Variants in PHF12 observed in about 807,000 individuals in gnomAD.
PHF12 encodes PHD factor 1.
Under a neutral mutation model 99.8 loss-of-function variants are expected in PHF12, and 6 were observed. That is an observed-to-expected ratio of 0.06 (90% CI 0.03 to 0.12). PHF12 has a LOEUF of 0.12. PHF12 is among the 10% of genes least tolerant of loss of function. The pLI is 1.00. For missense variants in PHF12, 954 were observed against 1,300.1 expected, an observed-to-expected ratio of 0.73 and a Z score of 4.09; for synonymous variants, 480 against 514.9, an observed-to-expected ratio of 0.93 and a Z score of 0.92.
At chr17:28,927,473 A>T (rs2040302759) in intron 2 of PHF12, among the ~76,000 whole-genome samples, 1 of 152,074 alleles carries the variant, frequency 6.6e-6, no homozygotes, top group Non-Finnish European at 1.5e-5. Flanking sequence ...AAGACTTCCT[A>T]TTTCTTCCTC....
In PHF12 at chr17:28,906,779, C is replaced by A. The variant is rs2039878737; in HGVS notation, c.2680+77G>T. 6.6e-7 allele frequency: 1 copy of A among 1,516,054 alleles called. No homozygotes were observed. The highest frequency in any genetic ancestry group is 1.3e-5 in the South Asian group (1 of 78,662). The allele number at this position is 1,516,054 out of a possible 1,614,324, so 93.9% of individuals were successfully genotyped here. A position where few individuals can be genotyped will look rare whatever the true frequency, so the allele number is the denominator to read the frequency against. On this transcript the variant is annotated intron_variant, in intron 14 of 14. Coordinates refer to ENST00000332830, the MANE Select transcript of PHF12 (RefSeq NM_001033561.2). This position sits in a 1 kb window ranked among gnomAD's most constrained non-coding sequence, Gnocchi z 4.2. ...CCAATAGGACTGGGAAGGCAAGAGA[C>A]AGACCATGGGCAGCAAGTCAGAACC...
rs1335928350 is a variant in PHF12 at position 28,949,097 on chromosome 17, A to G, written c.248+968T>C. On this transcript the variant is annotated intron_variant, in intron 2 of 14. Coordinates refer to ENST00000332830, the MANE Select transcript of PHF12 (RefSeq NM_001033561.2). The surrounding 1 kb of genome is among the most constrained non-coding windows in gnomAD (Gnocchi z 4.6). ...CGGTCTCTCCCCTCCTCTCATGTCC[A>G]GTAAGGGGGAAAAAGCGTACGGCTT... is the stretch of plus-strand genomic sequence containing the variant. Among the ~76,000 whole-genome samples the G allele has an allele frequency of 6.6e-6, 1 of 152,066 alleles. No individual in the cohort carries two copies. The highest frequency in any genetic ancestry group is 1.5e-5 in the Non-Finnish European group (1 of 68,000).
chr17:28,911,253 G>C lies in PHF12; in HGVS notation c.2090-16C>G, dbSNP rs750385452. On this transcript the variant is annotated splice_polypyrimidine_tract_variant and intron_variant, in intron 9 of 14. Transcript: ENST00000332830. ...ACCTTGCCATCTGGGGACGGAGCAG[G>C]AAGACTGTTACTTACGTCGCCTGAG... 1 of 1,613,878 alleles carries C rather than the reference G, an allele frequency of 6.2e-7. No homozygotes were observed. The highest frequency in any genetic ancestry group is 1.1e-5 in the South Asian group (1 of 91,072).
Position 28,906,447 on chromosome 17 carries a change from C to T in PHF12, c.2751G>A (p.Gln917=). 2 of 1,614,028 alleles carry T rather than the reference C, an allele frequency of 1.2e-6. No individual in the cohort carries two copies. The highest frequency in any genetic ancestry group is 3.3e-5 in the Admixed American group (2 of 60,030). ...EEAAMMSSQA[Q]GPQRRPCNCK... is the part of the protein sequence containing the mutation. Reference sequence around the variant, plus strand: ...AATTGCAGGGTCTCCGCTGCGGCCCCTGGGCCTGGGAACTCATCATGGCTG... The same window carrying T: ...AATTGCAGGGTCTCCGCTGCGGCCCTTGGGCCTGGGAACTCATCATGGCTG... The change falls in exon 15 of 15, where the codon CAG becomes CAA. Residue 917 remains glutamine, a synonymous_variant. Coordinates refer to ENST00000332830, the MANE Select transcript of PHF12 (RefSeq NM_001033561.2). The surrounding 1 kb of genome is among the most constrained non-coding windows in gnomAD (Gnocchi z 4.2).
chr17:28,941,761 C>T, intron 2 of PHF12, among the ~76,000 whole-genome samples: 1 of 152,062 alleles, frequency 6.6e-6, no homozygotes, highest in East Asian at 1.9e-4. Context: ...GCGTGCATCA[C>T]CACGCCCAGC....
chr17:28,925,615 C>T (rs1292969925), intron 3 of PHF12: 1 of 152,210 alleles, frequency 6.6e-6, no homozygotes, highest in Non-Finnish European at 1.5e-5. Context: ...AGCTCTCCTT[C>T]TAGAAAACTG....
In PHF12 at chr17:28,923,651, C is replaced by CAAAAAAAAAAAAAA. The variant is rs1491183033; in HGVS notation, c.715+257_715+258insTTTTTTTTTTTTTT. Among the ~76,000 whole-genome samples the CAAAAAAAAAAAAAA allele has an allele frequency of 4.1e-3, 91 of 21,962 alleles. 2 individuals are homozygous for CAAAAAAAAAAAAAA. The highest frequency in any genetic ancestry group is 0.013 in the African/African-American group (55 of 4,342). 14.4% of individuals were successfully genotyped at this position (21,962 alleles called of 152,430 possible). On this transcript the variant is annotated intron_variant, in intron 4 of 14. Coordinates refer to ENST00000332830, the MANE Select transcript of PHF12 (RefSeq NM_001033561.2). ...CTAGCCTGAGTGACAAAGTGAGACT[C>CAAAAAAAAAAAAAA]ACAAAAAAAAAAAAAAAAAAAAAAG...
chr17:28,922,368 A>G (rs1013222287), intron 4 of PHF12, among the ~76,000 whole-genome samples: 1 of 152,170 alleles, frequency 6.6e-6, no homozygotes, highest in Non-Finnish European at 1.5e-5. Context: ...TACTAGGATT[A>G]CAGGTGTGAG....
In PHF12 at chr17:28,919,156, A is replaced by C; in HGVS notation, c.956T>G (p.Ile319Ser). The C allele has an allele frequency of 1.2e-6, 2 of 1,614,018 alleles. No homozygotes were observed. The highest frequency in any genetic ancestry group is 1.7e-6 in the Non-Finnish European group (2 of 1,179,938). ...PLGRWMCPNH[I>S]EHVVLNQKNM... ...TGCTGTGCTTACCACCACATGTTCGATGTGATTCGGACACATCCATCTGCC... is the reference window on the plus strand; with the variant it reads ...TGCTGTGCTTACCACCACATGTTCGCTGTGATTCGGACACATCCATCTGCC... The change falls in exon 6 of 15, where the codon ATC becomes AGC. Residue 319 changes from isoleucine (I) to serine (S), a missense_variant. Ile to Ser is a moderately radical substitution (Grantham distance 142, BLOSUM62 -2). This residue lies in a region of PHF12 where 85 missense variants were observed against 196.6 expected (regional missense o/e 0.43). Coordinates refer to ENST00000332830, the MANE Select transcript of PHF12 (RefSeq NM_001033561.2).
At chr17:28,914,649 G>T (rs1391804402) in intron 7 of PHF12, among the ~76,000 whole-genome samples, 1 of 122,916 alleles carries the variant, frequency 8.1e-6, no homozygotes, top group African/African-American at 3.2e-5. Flanking sequence ...TCCGGCCTGG[G>T]TGAAAGAGCG....
At chr17:28,944,616 T>G in intron 2 of PHF12, 4 of 616,016 alleles carry the variant, frequency 6.5e-6, no homozygotes, top group African/African-American at 2.0e-5. Flanking sequence ...CAATGCACTC[T>G]AGCCTGGGCA....
intron 2 of PHF12, chr17:28,945,531 T>C (rs2040705895): frequency 6.6e-6 from 1 of 152,168 alleles, no homozygotes; most frequent in Admixed American, 6.5e-5. Context: ...TCTGCCGAGG[T>C]AGATGCACTT....
At position 28,907,943 on chromosome 17, in the gene PHF12, A is replaced by G. The variant is rs775222345; in HGVS notation, c.2459-271T>C. The G allele has an allele frequency of 9.4e-5, 31 of 328,282 alleles. No homozygotes were observed. The Admixed American group carries it at 1.1e-3, about 11-fold the overall frequency. 20.3% of individuals were successfully genotyped at this position (328,282 alleles called of 1,614,324 possible). A position where few individuals can be genotyped will look rare whatever the true frequency, so the allele number is the denominator to read the frequency against. The stretch of plus-strand genomic sequence containing the variant: ...AGGGAAGAGTGAGCTACTGAAGAGG[A>G]TGGGATATTTCTATGAAAATACAAC... On this transcript the variant is annotated intron_variant, in intron 12 of 14. Transcript: ENST00000332830.
Position 28,950,296 on chromosome 17 carries a change from G to A in PHF12, c.67-50C>T. The A allele has an allele frequency of 6.5e-7, 1 of 1,537,730 alleles. No individual in the cohort carries two copies. The highest frequency in any genetic ancestry group is 1.2e-5 in the South Asian group (1 of 86,514). On this transcript the variant is annotated intron_variant, in intron 1 of 14. Coordinates refer to ENST00000332830, the MANE Select transcript of PHF12 (RefSeq NM_001033561.2). The surrounding 1 kb of genome is among the most constrained non-coding windows in gnomAD (Gnocchi z 5.7). Reference sequence around the variant, plus strand: ...TGTGCACACTCGGAGCTCCCGGGCGGTCCGTCGCCCCCCCGGCGCGGTTTC... The same window carrying A: ...TGTGCACACTCGGAGCTCCCGGGCGATCCGTCGCCCCCCCGGCGCGGTTTC...
At chr17:28,937,700 T>C (rs1686918297) in intron 2 of PHF12, among the ~76,000 whole-genome samples, 1 of 151,966 alleles carries the variant, frequency 6.6e-6, no homozygotes, top group Admixed American at 6.6e-5. Context: ...GCAGGGAGGG[T>C]AGAGCACTGA....
chr17:28,931,157 G>A (rs1013992602), intron 2 of PHF12, among the ~76,000 whole-genome samples: 1 of 152,056 alleles, frequency 6.6e-6, no homozygotes, highest in African/African-American at 2.4e-5. Flanking sequence ...CTGCCCTAAA[G>A]TATGGATAGG....
At chr17:28,913,315 G>C (rs755048062) in intron 8 of PHF12, 38 bp from the exon 9 acceptor site, 2 of 1,565,194 alleles carry the variant, frequency 1.3e-6, no homozygotes, top group African/African-American at 1.3e-5. Flanking sequence ...TGAGAAGCCT[G>C]AGAGGCGCCG....
Position 28,951,468 on chromosome 17 carries a change from G to C in PHF12, c.-508C>G, listed in dbSNP as rs1291877764. On this transcript the variant is annotated 5_prime_UTR_variant, in exon 1 of 15. Coordinates refer to ENST00000332830, the MANE Select transcript of PHF12 (RefSeq NM_001033561.2). Reference sequence around the variant, plus strand: ...GCCGCGCACTTGGCGCAAACTTACCGCGAGCGCCCGCAAAGCCACCCGCGC... The same window carrying C: ...GCCGCGCACTTGGCGCAAACTTACCCCGAGCGCCCGCAAAGCCACCCGCGC... 2.0e-6 allele frequency: 2 copies of C among 985,576 alleles called. No homozygotes were observed. The highest frequency in any genetic ancestry group is 2.4e-6 in the Non-Finnish European group (2 of 830,026). 61.1% of individuals were successfully genotyped at this position (985,576 alleles called of 1,614,324 possible).
chr17:28,914,201 G>A (rs2040020131), intron 7 of PHF12, among the ~76,000 whole-genome samples, 164 bp from the exon 8 acceptor site: 1 of 152,124 alleles, frequency 6.6e-6, no homozygotes, highest in Non-Finnish European at 1.5e-5. Context: ...ATAGCAGGTG[G>A]GGCCTCCACT....
Sources: allele counts gnomAD v4.1 joint callset (sites outside exome capture counted in the v4.1 genomes callset), GRCh38; gene constraint gnomAD v4.1.1; regional missense constraint gnomAD v4.1.1; non-coding constraint Gnocchi (gnomAD v3.1); transcripts MANE v1.5; gene names NCBI Gene and HGNC (gene_info 2026-07-23, HGNC 2026-07-21).